The following KCNQ3 variants were observed in gnomAD, a reference collection of about 807,000 sequenced individuals.
KCNQ3 encodes the protein potassium voltage-gated channel subfamily Q member 3.
KCNQ3 carries 30 observed loss-of-function variants against 92.5 expected under a neutral mutation model. That is an observed-to-expected ratio of 0.32 (90% CI 0.24 to 0.44). KCNQ3 has a LOEUF of 0.44. KCNQ3 is among the 20% of genes least tolerant of loss of function. The pLI is 1.00. For synonymous variants in KCNQ3, 450 were observed against 468.8 expected (o/e 0.96, Z 0.52); for missense variants, 913 against 1,140.3 (o/e 0.80, Z 2.87).
At chr8:132,158,571 C>A (rs1387764923) in intron 9 of KCNQ3, among the ~76,000 whole-genome samples, 1 of 152,198 alleles carries the variant, frequency 6.6e-6, no homozygotes, top group Admixed American at 6.5e-5. Context: ...CTGTTCCCAA[C>A]AGCTGGAAGG....
intron 1 of KCNQ3, among the ~76,000 whole-genome samples, chr8:132,230,967 G>C (rs969198709): frequency 2.0e-5 from 3 of 152,202 alleles, no homozygotes; most frequent in Admixed American, 6.5e-5. Flanking sequence ...ATGAGGTTAT[G>C]ATGGGCCCAA....
At chr8:132,338,741 C>T (rs989010885) in intron 1 of KCNQ3, among the ~76,000 whole-genome samples, 1 of 152,126 alleles carries the variant, frequency 6.6e-6, no homozygotes, top group Admixed American at 6.5e-5. Context: ...GGGATGCTGA[C>T]ACAGAAAAAA....
chr8:132,455,277 T>C (rs80265499), intron 1 of KCNQ3, among the ~76,000 whole-genome samples: 9 of 152,218 alleles, frequency 5.9e-5, no homozygotes, highest in Non-Finnish European at 1.2e-4. Context: ...TGTCTAATAT[T>C]TGTATACTTA....
At chr8:132,343,766 T>C (rs1174110715) in intron 1 of KCNQ3, among the ~76,000 whole-genome samples, 1 of 152,078 alleles carries the variant, frequency 6.6e-6, no homozygotes, top group Non-Finnish European at 1.5e-5. Context: ...CTCCACCTGG[T>C]GTCCTGGGTG....
intron 1 of KCNQ3, among the ~76,000 whole-genome samples, chr8:132,204,775 A>C (rs1055752255): frequency 3.9e-5 from 6 of 152,236 alleles, no homozygotes; most frequent in Non-Finnish European, 7.3e-5. Context: ...AATGAGGCTA[A>C]TAAAATGACA....
chr8:132,477,136 G>C (rs945075518), intron 1 of KCNQ3, among the ~76,000 whole-genome samples: 2 of 151,792 alleles, frequency 1.3e-5, no homozygotes, highest in Non-Finnish European at 2.9e-5. Context: ...TCCCACCTCC[G>C]CCAGCCACGC....
chr8:132,392,288 G>T (rs1820067481), intron 1 of KCNQ3, among the ~76,000 whole-genome samples: 1 of 152,122 alleles, frequency 6.6e-6, no homozygotes, highest in Non-Finnish European at 1.5e-5. Context: ...TTCTAGAGGA[G>T]AATTTACCAT....
intron 1 of KCNQ3, among the ~76,000 whole-genome samples, chr8:132,438,671 T>C (rs1264620246): frequency 6.6e-6 from 1 of 151,928 alleles, no homozygotes; most frequent in East Asian, 1.9e-4. Flanking sequence ...TCATTCTCTG[T>C]GGCGCTCATG....
At chr8:132,198,906 C>G (rs944058226) in intron 1 of KCNQ3, among the ~76,000 whole-genome samples, 3 of 152,098 alleles carry the variant, frequency 2.0e-5, no homozygotes, top group Non-Finnish European at 4.4e-5. Flanking sequence ...TTGCACAGGA[C>G]AGCAAAAACC....
At chr8:132,188,048 A>C (rs1827057093) in intron 1 of KCNQ3, among the ~76,000 whole-genome samples, 2 of 152,214 alleles carry the variant, frequency 1.3e-5, no homozygotes, top group Non-Finnish European at 2.9e-5. Flanking sequence ...CATCAAAAAG[A>C]ATCACTACCA....
intron 1 of KCNQ3, among the ~76,000 whole-genome samples, chr8:132,437,729 A>G (rs1821432653): frequency 6.6e-6 from 1 of 152,192 alleles, no homozygotes; most frequent in Admixed American, 6.5e-5. Context: ...GGAGAGATAC[A>G]TCTTTTGAAG....
intron 1 of KCNQ3, among the ~76,000 whole-genome samples, chr8:132,271,151 T>A (rs1290985431): frequency 6.6e-6 from 1 of 152,232 alleles, no homozygotes; most frequent in Admixed American, 6.5e-5. Context: ...GTTATTTCCA[T>A]GAACCCCTTG....
intron 1 of KCNQ3, among the ~76,000 whole-genome samples, chr8:132,459,379 T>G (rs1184718786): frequency 6.6e-6 from 1 of 152,148 alleles, no homozygotes; most frequent in Non-Finnish European, 1.5e-5. Context: ...CTGCATCCAG[T>G]GAGGACCTCC....
At chr8:132,422,960 G>A (rs573248793) in intron 1 of KCNQ3, among the ~76,000 whole-genome samples, 1 of 152,186 alleles carries the variant, frequency 6.6e-6, no homozygotes, top group Non-Finnish European at 1.5e-5. Flanking sequence ...GGGCAGGAAG[G>A]AGATGGGGTT....
At chr8:132,168,978 G>C (rs191309635) in intron 8 of KCNQ3, among the ~76,000 whole-genome samples, 2 of 151,982 alleles carry the variant, frequency 1.3e-5, no homozygotes, top group Non-Finnish European at 2.9e-5. Flanking sequence ...CTACCCATAC[G>C]CTTAACAATC....
intron 1 of KCNQ3, among the ~76,000 whole-genome samples, chr8:132,346,522 C>T (rs1818693625): frequency 6.6e-6 from 1 of 152,200 alleles, no homozygotes; most frequent in Admixed American, 6.5e-5. Context: ...GAACCCTCTC[C>T]ACCACTCTCC....
intron 1 of KCNQ3, among the ~76,000 whole-genome samples, chr8:132,236,396 T>C (rs1814816939): frequency 6.6e-6 from 1 of 152,232 alleles, no homozygotes; most frequent in Admixed American, 6.5e-5. Context: ...GGGATTCAAA[T>C]GCCTTCTTTT....
At chr8:132,372,196 T>C (rs1185575812) in intron 1 of KCNQ3, among the ~76,000 whole-genome samples, 4 of 152,162 alleles carry the variant, frequency 2.6e-5, no homozygotes, top group African/African-American at 9.7e-5. Flanking sequence ...TTCTATTTCT[T>C]AGTGGTTCTG....
chr8:132,171,077 C>T (rs117462843), intron 7 of KCNQ3, among the ~76,000 whole-genome samples: 7,699 of 152,128 alleles, frequency 0.051, 308 homozygotes, highest in South Asian at 0.12. Flanking sequence ...CCACTCTTTC[C>T]AGAAGATTCC....
Sources: gnomAD v4.1 joint callset for allele counts (sites outside exome capture counted in the v4.1 genomes callset) on GRCh38, gnomAD v4.1.1 for gene constraint, MANE v1.5 for transcripts, NCBI Gene and HGNC (gene_info 2026-07-23, HGNC 2026-07-21) for gene names.